The following EPHA7 variants were observed in gnomAD, a reference collection of about 807,000 sequenced individuals.
EPHA7 encodes the protein EPH receptor A7.
A neutral mutation model predicts 112.6 loss-of-function variants in EPHA7; 25 were observed. The ratio of observed to expected loss-of-function variants is 0.22; its 90% CI spans 0.16 to 0.31. The LOEUF is 0.31. Ranked by LOEUF, EPHA7 falls within the 10% of genes least tolerant of loss-of-function variation. EPHA7 has a pLI of 1.00. For synonymous variants in EPHA7, 437 were observed against 406.5 expected (o/e 1.07, Z -0.90); for missense variants, 962 against 1,212.6 (o/e 0.79, Z 3.07).
At chr6:93,302,970 T>C (rs1446772150) in intron 5 of EPHA7, among the ~76,000 whole-genome samples, 1 of 152,032 alleles carries the variant, frequency 6.6e-6, no homozygotes, top group Non-Finnish European at 1.5e-5. Context: ...TAAGGTAGCC[T>C]GGGAAACACT....
At chr6:93,306,295 A>G (rs1217488510) in intron 5 of EPHA7, among the ~76,000 whole-genome samples, 2 of 152,000 alleles carry the variant, frequency 1.3e-5, no homozygotes, top group Non-Finnish European at 2.9e-5. Flanking sequence ...ATAAGGGTAC[A>G]ATAATGTTAG....
At chr6:93,360,436 C>A (rs1452797233) in intron 3 of EPHA7, among the ~76,000 whole-genome samples, 1 of 151,994 alleles carries the variant, frequency 6.6e-6, no homozygotes, top group African/African-American at 2.4e-5. Flanking sequence ...GACATACAGA[C>A]AAATAAGAGG....
At chr6:93,267,471 C>G (rs1468669757) in intron 7 of EPHA7, among the ~76,000 whole-genome samples, 1 of 151,794 alleles carries the variant, frequency 6.6e-6, no homozygotes, top group Admixed American at 6.6e-5. Flanking sequence ...ATAATTCACT[C>G]TATGTTGATC....
intron 3 of EPHA7, among the ~76,000 whole-genome samples, chr6:93,387,966 G>GATAA (rs1777709362): frequency 1.4e-5 from 2 of 147,484 alleles, no homozygotes; most frequent in Non-Finnish European, 3.0e-5. Context: ...TAGATAGATA[G>GATAA]ATAGATAGAT....
At chr6:93,265,500 T>C (rs1040385135) in intron 7 of EPHA7, among the ~76,000 whole-genome samples, 50 of 151,698 alleles carry the variant, frequency 3.3e-4, no homozygotes, top group Non-Finnish European at 5.9e-5. Context: ...CACCTTCTGA[T>C]ATAGAATTTT....
At chr6:93,392,231 T>C (rs1013222226) in intron 3 of EPHA7, among the ~76,000 whole-genome samples, 1 of 151,916 alleles carries the variant, frequency 6.6e-6, no homozygotes, top group Non-Finnish European at 1.5e-5. Context: ...ATCACCCACT[T>C]TTCCTGACAG....
At chr6:93,316,354 A>G (rs1773811325) in intron 5 of EPHA7, among the ~76,000 whole-genome samples, 2 of 152,170 alleles carry the variant, frequency 1.3e-5, no homozygotes, top group Non-Finnish European at 2.9e-5. Context: ...ATTGAACTGA[A>G]TATGTCAATT....
chr6:93,274,508 TATA>T (rs1771376894), intron 5 of EPHA7, among the ~76,000 whole-genome samples: 1 of 151,942 alleles, frequency 6.6e-6, no homozygotes, highest in African/African-American at 2.4e-5. Context: ...ACTTCAAATA[TATA>T]ATATTTTGAA....
intron 3 of EPHA7, among the ~76,000 whole-genome samples, chr6:93,387,746 A>G (rs1331187270): frequency 1.3e-5 from 2 of 152,136 alleles, no homozygotes; most frequent in African/African-American, 2.4e-5. Flanking sequence ...TGAAGGGGGG[A>G]AAACACCTTA....
intron 5 of EPHA7, among the ~76,000 whole-genome samples, chr6:93,341,477 GA>G (rs1340619287): frequency 6.6e-6 from 1 of 151,674 alleles, no homozygotes; most frequent in Non-Finnish European, 1.5e-5. Flanking sequence ...TAGAAATTAT[GA>G]AAATCAAAAG....
At chr6:93,376,048 T>C (rs186772073) in intron 3 of EPHA7, among the ~76,000 whole-genome samples, 15 of 152,284 alleles carry the variant, frequency 9.9e-5, no homozygotes, top group Non-Finnish European at 2.1e-4. Flanking sequence ...TCATCATTAA[T>C]GAGTCTGAAA....
intron 5 of EPHA7, among the ~76,000 whole-genome samples, chr6:93,273,419 A>G (rs1015482490): frequency 2.0e-5 from 3 of 151,388 alleles, no homozygotes; most frequent in African/African-American, 7.3e-5. Context: ...CTGCTGACAG[A>G]AAAGCAATTA....
chr6:93,344,407 G>T (rs189287912), intron 5 of EPHA7, among the ~76,000 whole-genome samples: 4 of 151,520 alleles, frequency 2.6e-5, no homozygotes, highest in Admixed American at 2.0e-4. Flanking sequence ...AGAAAACAAG[G>T]TTATGATAAT....
intron 10 of EPHA7, among the ~76,000 whole-genome samples, chr6:93,258,961 C>T (rs73530336): frequency 1.6e-3 from 239 of 151,494 alleles, no homozygotes; most frequent in African/African-American, 5.5e-3. Flanking sequence ...CCTACAAATA[C>T]AAGAGAAAAG....
chr6:93,274,606 C>T (rs980721980), intron 5 of EPHA7, among the ~76,000 whole-genome samples: 1 of 151,824 alleles, frequency 6.6e-6, no homozygotes, highest in Non-Finnish European at 1.5e-5. Flanking sequence ...TGAATATACT[C>T]CTGAATTCTT....
At chr6:93,309,818 T>C (rs1773441467) in intron 5 of EPHA7, among the ~76,000 whole-genome samples, 1 of 152,130 alleles carries the variant, frequency 6.6e-6, no homozygotes. Context: ...AGGCCATGAG[T>C]AGTTGCACAA....
chr6:93,292,749 TATA>T (rs1183434710), intron 5 of EPHA7, among the ~76,000 whole-genome samples: 3 of 152,098 alleles, frequency 2.0e-5, no homozygotes, highest in African/African-American at 7.2e-5. Context: ...GTAGTGTAAA[TATA>T]ATATAATGCT....
At chr6:93,406,865 G>A (rs905989953) in intron 3 of EPHA7, among the ~76,000 whole-genome samples, 2 of 151,600 alleles carry the variant, frequency 1.3e-5, no homozygotes, top group African/African-American at 2.4e-5. Context: ...AATATAACAG[G>A]ATCTCTCAAT....
At chr6:93,338,089 T>A (rs907478270) in intron 5 of EPHA7, among the ~76,000 whole-genome samples, 11 of 152,118 alleles carry the variant, frequency 7.2e-5, no homozygotes, top group Non-Finnish European at 1.5e-5. Context: ...AATATCATCA[T>A]GTTGCCCCCA....
Sources: allele counts gnomAD v4.1 joint callset (sites outside exome capture counted in the v4.1 genomes callset), GRCh38; gene constraint gnomAD v4.1.1; transcripts MANE v1.5; gene names NCBI Gene and HGNC (gene_info 2026-07-23, HGNC 2026-07-21).